The following THADA variants were observed in gnomAD, a reference collection of about 807,000 sequenced individuals.
THADA encodes tRNA (32-2'-O)-methyltransferase regulator THADA.
In THADA, 213 loss-of-function variants were observed where a neutral mutation model predicts 219.8. The observed-to-expected ratio is 0.97, with a 90% confidence interval of 0.87 to 1.09. The LOEUF (loss-of-function observed/expected upper bound fraction) is 1.09. Ranked by LOEUF, THADA falls within the 50% of genes least tolerant of loss-of-function variation. THADA has a pLI of 0.00. For synonymous variants in THADA, 1,018 were observed against 828.9 expected (o/e 1.23, Z -3.92); for missense variants, 2,956 against 2,311.3 (o/e 1.28, Z -5.72).
At chr2:43,526,562 A>G (rs1179088537) in intron 22 of THADA, among the ~76,000 whole-genome samples, 1 of 151,966 alleles carries the variant, frequency 6.6e-6, no homozygotes. Context: ...CTATTCCTAT[A>G]TGTTTTATAA....
chr2:43,267,369 C>T (rs958676717), intron 36 of THADA, among the ~76,000 whole-genome samples: 2 of 152,204 alleles, frequency 1.3e-5, no homozygotes, highest in African/African-American at 4.8e-5. Context: ...ATGTTAGTGC[C>T]CATGCAGCTG....
intron 36 of THADA, among the ~76,000 whole-genome samples, chr2:43,267,109 G>A (rs939195870): frequency 5.9e-5 from 9 of 152,174 alleles, no homozygotes; most frequent in African/African-American, 1.4e-4. Flanking sequence ...GATGTGTGTG[G>A]TCCTAAGAGA....
intron 36 of THADA, among the ~76,000 whole-genome samples, chr2:43,268,100 T>C (rs1671726622): frequency 6.6e-6 from 1 of 152,224 alleles, no homozygotes; most frequent in African/African-American, 2.4e-5. Flanking sequence ...CACCTGCTGT[T>C]CTCTGCCTCT....
chr2:43,551,748 T>G (rs749382839), intron 19 of THADA, 41 bp downstream of exon 19: 1 of 1,566,366 alleles, frequency 6.4e-7, no homozygotes. Context: ...GACATAATAA[T>G]CAAACCACAG....
At chr2:43,348,753 A>C (rs1667926152) in intron 29 of THADA, among the ~76,000 whole-genome samples, 1 of 152,194 alleles carries the variant, frequency 6.6e-6, no homozygotes, top group African/African-American at 2.4e-5. Flanking sequence ...TTATAAGAGA[A>C]TCTACAGCAG....
chr2:43,464,609 C>T (rs1684020193), intron 26 of THADA, among the ~76,000 whole-genome samples: 1 of 152,172 alleles, frequency 6.6e-6, no homozygotes, highest in Non-Finnish European at 1.5e-5. Flanking sequence ...GCTGTCATCA[C>T]ATGAGCTACA....
At chr2:43,463,248 A>G (rs1200351466) in intron 26 of THADA, 1 of 152,216 alleles carries the variant, frequency 6.6e-6, no homozygotes, top group East Asian at 1.9e-4. Context: ...TGCTCTCCCC[A>G]TACCTGATTA....
chr2:43,436,668 G>A (rs138714224), intron 26 of THADA, among the ~76,000 whole-genome samples: 1,718 of 152,218 alleles, frequency 0.011, 32 homozygotes, highest in Non-Finnish European at 0.013. Flanking sequence ...CTGTACTTAA[G>A]CAATCCTTCC....
At chr2:43,518,227 C>G (rs1691975191) in intron 22 of THADA, among the ~76,000 whole-genome samples, 1 of 152,072 alleles carries the variant, frequency 6.6e-6, no homozygotes, top group South Asian at 2.1e-4. Flanking sequence ...ATATAATTTA[C>G]TAACTTCATT....
At chr2:43,312,066 A>G (rs952106923) in intron 31 of THADA, among the ~76,000 whole-genome samples, 1 of 151,890 alleles carries the variant, frequency 6.6e-6, no homozygotes, top group Non-Finnish European at 1.5e-5. Flanking sequence ...AAACAGAAAA[A>G]CCACTAGGTT....
chr2:43,578,697 T>C, intron 8 of THADA, 90 bp from the exon 9 acceptor site: 1 of 836,740 alleles, frequency 1.2e-6, no homozygotes, highest in Non-Finnish European at 1.8e-6. Flanking sequence ...CAGATAGGCC[T>C]GGGTACAATT....
At chr2:43,437,166 T>A (rs1168664398) in intron 26 of THADA, among the ~76,000 whole-genome samples, 1 of 152,156 alleles carries the variant, frequency 6.6e-6, no homozygotes, top group Non-Finnish European at 1.5e-5. Flanking sequence ...TGATAGCACT[T>A]CAGCCCATAA....
At chr2:43,291,880 C>CT (rs1477501249) in intron 33 of THADA, 112 bp from the exon 34 acceptor site, 4 of 1,008,642 alleles carry the variant, frequency 4.0e-6, no homozygotes, top group Non-Finnish European at 4.2e-6. Flanking sequence ...CTGAAAATCT[C>CT]TACCTCCTGG....
intron 26 of THADA, among the ~76,000 whole-genome samples, chr2:43,448,854 G>C (rs187959969): frequency 6.6e-6 from 1 of 152,064 alleles, no homozygotes; most frequent in Non-Finnish European, 1.5e-5. Flanking sequence ...GATTTCCAGA[G>C]TTACTACACT....
rs1357122817 is a variant in THADA at position 43,541,349 on chromosome 2, T to A, written c.3107-33A>T. On this transcript the variant is annotated intron_variant, in intron 20 of 37. Transcript: ENST00000405975. ...AAAAAAAAACACAACGATTGCAACC[T>A]TGATTACTCATATCCCAGGTTTCTA... 1.9e-6 allele frequency: 3 copies of A among 1,608,950 alleles called. No homozygotes were observed. The African/African-American group carries it at 4.0e-5, about 22-fold the overall frequency.
intron 25 of THADA, among the ~76,000 whole-genome samples, chr2:43,494,985 G>C (rs1247249307): frequency 1.3e-5 from 2 of 152,084 alleles, no homozygotes; most frequent in Non-Finnish European, 2.9e-5. Context: ...TAACTTATCA[G>C]GAAAAACAAT....
chr2:43,248,152 TATATATATATATAGAGAGAGAGAGAG>T lies in THADA; in HGVS notation c.5297-15296_5297-15271del, dbSNP rs1355360669. 1.9e-3 allele frequency among the ~76,000 whole-genome samples: 167 copies of T among 89,388 alleles called. 1 individual carries two copies. Among genetic ancestry groups the T allele is most frequent in the South Asian group, 0.01 (27 of 2,584 alleles). The allele number at this position is 89,388 out of a possible 152,430, so 58.6% of individuals were successfully genotyped here. ...AGAAATATATATATATATATATATATATATATATATATAGAGAGAGAGAGAGAGAGAGAGAGAGAGAGAGAGAGAGA... is the reference window on the plus strand; with the variant it reads ...AGAAATATATATATATATATATATATAGAGAGAGAGAGAGAGAGAGAGAGA... On this transcript the variant is annotated intron_variant, in intron 36 of 37. Transcript: ENST00000405975.
intron 29 of THADA, among the ~76,000 whole-genome samples, chr2:43,356,873 C>A (rs1003994322): frequency 6.6e-6 from 1 of 152,232 alleles, no homozygotes; most frequent in African/African-American, 2.4e-5. Flanking sequence ...GCTTTGGACT[C>A]CACCACTCAT....
chr2:43,344,214 G>A lies in THADA; in HGVS notation c.4251C>T (p.Tyr1417=). 2 of 1,611,068 alleles carry A rather than the reference G, an allele frequency of 1.2e-6. No individual in the cohort carries two copies. The highest frequency in any genetic ancestry group is 1.3e-5 in the African/African-American group (1 of 74,944). The change falls in exon 30 of 38, where the codon TAC becomes TAT. Residue 1417 remains tyrosine, a synonymous_variant. Transcript: ENST00000405975. The stretch of plus-strand genomic sequence containing the variant: ...AATTCGTTCCGTGTTTGGAGTCTGA[G>A]TAGGCTTGCAACAAATGAAAAACCT... ...LLQVFHLLQA[Y]SDSKHGTNSD...
Sources: allele counts gnomAD v4.1 joint callset (sites outside exome capture counted in the v4.1 genomes callset), GRCh38; gene constraint gnomAD v4.1.1; transcripts MANE v1.5; gene names NCBI Gene and HGNC (gene_info 2026-07-23, HGNC 2026-07-21).